ASB2: variants seen among roughly 807,000 people sequenced by gnomAD.
ASB2 encodes the protein ankyrin repeat and SOCS box protein 2.
A neutral mutation model predicts 62.4 loss-of-function variants in ASB2; 58 were observed. That is an observed-to-expected ratio of 0.93 (90% CI 0.75 to 1.16). The LOEUF is 1.16. ASB2 is among the 50% of genes most tolerant of loss of function. The pLI is 0.00. For synonymous variants in ASB2, 386 were observed against 385.3 expected (o/e 1.00, Z -0.02); for missense variants, 928 against 887.9 (o/e 1.05, Z -0.57).
chr14:93,935,262 G>T (rs961270391), intron 9 of ASB2, among the ~76,000 whole-genome samples: 2 of 152,228 alleles, frequency 1.3e-5, no homozygotes, highest in African/African-American at 4.8e-5. Context: ...GGATAAGGGG[G>T]CAGAGACTGA....
chr14:93,957,975 A>G (rs1190685075), intron 2 of ASB2, among the ~76,000 whole-genome samples: 11 of 152,012 alleles, frequency 7.2e-5, no homozygotes, highest in Admixed American at 7.2e-4. Context: ...GGTAATTATG[A>G]CCCTGAGAAG....
rs114096720 is a variant in ASB2 at position 93,950,755 on chromosome 14, G to A, written c.880+244C>T. ...ATTATAAATGGCAAATAGGTGGTCC[G>A]TGGGCCAGACCCCCCCATATTTGTT... On this transcript the variant is annotated intron_variant, in intron 6 of 9. Transcript: ENST00000555019. Among the ~76,000 whole-genome samples, 623 of 151,444 alleles carry A rather than the reference G, an allele frequency of 4.1e-3. 6 individuals are homozygous for A. The highest frequency in any genetic ancestry group is 0.014 in the African/African-American group (588 of 41,218).
chr14:93,944,426 C>T (rs1254088695), intron 7 of ASB2, among the ~76,000 whole-genome samples: 1 of 152,272 alleles, frequency 6.6e-6, no homozygotes, highest in African/African-American at 2.4e-5. Context: ...GACGAGAAGA[C>T]ACCATCTGGC....
chr14:93,953,742 C>G (rs957061567), intron 4 of ASB2, among the ~76,000 whole-genome samples: 1 of 152,200 alleles, frequency 6.6e-6, no homozygotes, highest in African/African-American at 2.4e-5. Flanking sequence ...GAGCCCCTCC[C>G]TCTTCGAATA....
At chr14:93,937,918 C>T (rs1888334385) in intron 8 of ASB2, 67 bp from the exon 9 acceptor site, 9 of 1,493,770 alleles carry the variant, frequency 6.0e-6, no homozygotes, top group South Asian at 3.8e-5. Context: ...CGGCCAGGGA[C>T]GGCAGCGGAT....
At chr14:93,950,511 C>T (rs917179980) in intron 6 of ASB2, among the ~76,000 whole-genome samples, 22 of 152,316 alleles carry the variant, frequency 1.4e-4, no homozygotes, top group African/African-American at 5.1e-4. Context: ...CATCCTGGTC[C>T]TTGAGTTCAT....
Position 93,964,517 on chromosome 14 carries a change from C to T in ASB2, c.23G>A (p.Arg8Gln), listed in dbSNP as rs754021475. MATQIST[R>Q]GSQCTIGQEE... ...CTGCCCAATGGTACACTGGCTGCCC[C>T]GAGTGCTGATCTGCGTGGCCATCCT... Residue 8 changes from arginine (R) to glutamine (Q), a missense_variant, in exon 2 of 10, where the codon CGG becomes CAG. Transcript: ENST00000555019. 1.0e-5 allele frequency: 16 copies of T among 1,536,096 alleles called. No individual in the cohort carries two copies. Among genetic ancestry groups the T allele is most frequent in the Middle Eastern group, 1.7e-4 (1 of 5,984 alleles).
At chr14:93,946,514 A>C (rs919464006) in intron 7 of ASB2, among the ~76,000 whole-genome samples, 1 of 152,222 alleles carries the variant, frequency 6.6e-6, no homozygotes, top group Non-Finnish European at 1.5e-5. Flanking sequence ...GGCCAATTTT[A>C]AGCTATCAAT....
At chr14:93,967,751 T>G (rs541486421) in intron 1 of ASB2, among the ~76,000 whole-genome samples, 8 of 152,218 alleles carry the variant, frequency 5.3e-5, no homozygotes, top group Admixed American at 4.6e-4. Context: ...GGATCCCCTA[T>G]GGCCGTGTCG....
rs35858830 is a variant in ASB2, at chr14:93,934,756, C to T, written c.1808G>A (p.Arg603Gln). The T allele has an allele frequency of 0.018, 28,555 of 1,613,426 alleles. 316 individuals are homozygous for T. The highest frequency in any genetic ancestry group is 0.03 in the Middle Eastern group (184 of 6,060). The change falls in exon 10 of 10, where the codon CGG (arginine) becomes CAG (glutamine). Residue 603 changes from arginine (R) to glutamine (Q), a missense_variant. Coordinates refer to ENST00000555019, the MANE Select transcript of ASB2 (RefSeq NM_001202429.2). The stretch of plus-strand genomic sequence containing the variant: ...GTATTTCCCAATGGCCTTTCGAACC[C>T]GCAGTCGGCAAAGGTGAGCCAGAGG... ...PRPLAHLCRLRVRKAIGKYRI... is the reference protein window; with the variant it reads ...PRPLAHLCRLQVRKAIGKYRI...
intron 7 of ASB2, among the ~76,000 whole-genome samples, chr14:93,944,387 G>T (rs565465320): frequency 5.9e-5 from 9 of 152,356 alleles, no homozygotes; most frequent in Admixed American, 5.9e-4. Flanking sequence ...CAGCACACCC[G>T]CATGTCACCC....
chr14:93,970,051 TCCTAGTA>T (rs1183706600), intron 1 of ASB2: 1 of 152,238 alleles, frequency 6.6e-6, no homozygotes, highest in Admixed American at 6.5e-5. Flanking sequence ...GGTCTTTTCC[TCCTAGTA>T]CCTTCCCCTC....
At chr14:93,969,265 A>G (rs1889685989) in intron 1 of ASB2, among the ~76,000 whole-genome samples, 1 of 152,114 alleles carries the variant, frequency 6.6e-6, no homozygotes, top group South Asian at 2.1e-4. Flanking sequence ...CAGGGATGCT[A>G]TGGCGGCGTC....
intron 9 of ASB2, among the ~76,000 whole-genome samples, chr14:93,937,383 C>G (rs1234000881): frequency 6.6e-6 from 1 of 152,196 alleles, no homozygotes; most frequent in Non-Finnish European, 1.5e-5. Context: ...AAATCATTCA[C>G]AACCTACCCT....
At chr14:93,948,138 C>G (rs1888814058) in intron 6 of ASB2, 1 of 154,232 alleles carries the variant, frequency 6.5e-6, no homozygotes, top group Non-Finnish European at 1.5e-5. Context: ...CAGGCTATAT[C>G]TGAATCCACA....
chr14:93,972,453 T>C (rs1446354119), intron 1 of ASB2, among the ~76,000 whole-genome samples: 2 of 152,158 alleles, frequency 1.3e-5, no homozygotes, highest in East Asian at 3.8e-4. Context: ...CCTGTCTCCA[T>C]CCAGGCCACT....
chr14:93,959,580 T>G (rs1435958230), intron 2 of ASB2, among the ~76,000 whole-genome samples: 1 of 152,164 alleles, frequency 6.6e-6, no homozygotes, highest in Non-Finnish European at 1.5e-5. Flanking sequence ...GAGCCTGGCC[T>G]CGGCAGGATG....
chr14:93,964,441 C>A lies in ASB2; in HGVS notation c.99G>T (p.Met33Ile). ...SSLSEDELVQ[M>I]AIEQSLADKT... ...TGTCCGCTAGGCTCTGCTCGATGGC[C>A]ATCTGCACCAGTTCATCCTCGCTCA... The change falls in exon 2 of 10, where the codon ATG (methionine) becomes ATT (isoleucine). Residue 33 changes from methionine to isoleucine, a missense_variant. By Grantham distance (10) the Met-to-Ile change is conservative (BLOSUM62 1). Coordinates refer to ENST00000555019, the MANE Select transcript of ASB2 (RefSeq NM_001202429.2). 1 of 1,536,092 alleles carries A rather than the reference C, an allele frequency of 6.5e-7. No individual in the cohort carries two copies. The highest frequency in any genetic ancestry group is 1.4e-5 in the African/African-American group (1 of 73,150).
chr14:93,949,886 C>T (rs1244881797), intron 6 of ASB2, among the ~76,000 whole-genome samples: 2 of 152,082 alleles, frequency 1.3e-5, no homozygotes, highest in Non-Finnish European at 2.9e-5. Flanking sequence ...CCTGGCTGCA[C>T]GGAAGGGCCT....
Sources: gnomAD v4.1 joint callset for allele counts (sites outside exome capture counted in the v4.1 genomes callset) on GRCh38, gnomAD v4.1.1 for gene constraint, MANE v1.5 for transcripts, NCBI Gene and HGNC (gene_info 2026-07-23, HGNC 2026-07-21) for gene names.